Variants in RBL1 observed in about 807,000 individuals in gnomAD.
RBL1 encodes RB transcriptional corepressor like 1, also known as retinoblastoma-like protein 1.
A neutral mutation model predicts 123.0 loss-of-function variants in RBL1; 82 were observed. The ratio of observed to expected loss-of-function variants is 0.67; its 90% CI spans 0.56 to 0.80. The LOEUF (loss-of-function observed/expected upper bound fraction) is 0.80. RBL1 is among the 30% of genes least tolerant of loss of function. RBL1 has a pLI of 0.00. For synonymous variants in RBL1, 405 were observed against 441.3 expected (o/e 0.92, Z 1.03); for missense variants, 1,171 against 1,299.6 (o/e 0.90, Z 1.52).
intron 2 of RBL1, among the ~76,000 whole-genome samples, chr20:37,088,691 C>T (rs1480625683): frequency 6.8e-6 from 1 of 146,590 alleles, no homozygotes; most frequent in East Asian, 2.0e-4. Context: ...CCCATCTCTA[C>T]TAAAAAAAAA....
intron 11 of RBL1, among the ~76,000 whole-genome samples, chr20:37,050,751 C>T (rs191203805): frequency 4.0e-5 from 6 of 151,194 alleles, no homozygotes; most frequent in Admixed American, 6.6e-5. Context: ...CTAGACTAAA[C>T]GGGCAAGTCT....
intron 11 of RBL1, among the ~76,000 whole-genome samples, chr20:37,051,713 T>TAA (rs1304580853): frequency 7.1e-6 from 1 of 141,568 alleles, no homozygotes; most frequent in Admixed American, 7.0e-5. Context: ...AAAACAAAAT[T>TAA]AAAAAAAAAA....
intron 19 of RBL1, among the ~76,000 whole-genome samples, chr20:37,009,072 T>G (rs1021955045): frequency 1.3e-5 from 2 of 151,970 alleles, no homozygotes; most frequent in African/African-American, 4.8e-5. Flanking sequence ...TCACCCAGCC[T>G]GGAGTGCAGT....
chr20:37,067,210 G>T, intron 4 of RBL1, 23 bp downstream of exon 4: 2 of 1,585,260 alleles, frequency 1.3e-6, no homozygotes, highest in South Asian at 2.4e-5. Context: ...AGAAATGTAA[G>T]ACCACTGAAA....
intron 9 of RBL1, among the ~76,000 whole-genome samples, chr20:37,057,007 ACC>A (rs1226602907): frequency 1.1e-3 from 99 of 89,418 alleles, no homozygotes; most frequent in Middle Eastern, 0.011. Flanking sequence ...CTATCTATCT[ACC>A]TACCTACCTA....
In RBL1 at chr20:37,020,686, A is replaced by G. The variant is rs747188128; in HGVS notation, c.2604T>C (p.Tyr868=). The change falls in exon 18 of 22, where the codon TAT becomes TAC. Residue 868 remains tyrosine, a synonymous_variant. Coordinates refer to ENST00000373664, the MANE Select transcript of RBL1 (RefSeq NM_002895.5). The part of the protein sequence containing the change: ...ERTFQEIMKS[Y]RNQPQANSHV... ...GACTATTAGCTTGGGGCTGATTCCT[A>G]TAACTTTTCATAATTTCTTGAAAAG... The G allele has an allele frequency of 4.4e-6, 7 of 1,588,832 alleles. No individual in the cohort carries two copies. Among genetic ancestry groups the G allele is most frequent in the South Asian group, 1.1e-5 (1 of 87,270 alleles).
chr20:37,080,462 C>CTTT (rs796643116), intron 2 of RBL1, among the ~76,000 whole-genome samples: 1 of 132,704 alleles, frequency 7.5e-6, no homozygotes, highest in Non-Finnish European at 1.6e-5. Flanking sequence ...CTCTCTCTCT[C>CTTT]TTTTTTTTTT....
intron 2 of RBL1, among the ~76,000 whole-genome samples, chr20:37,084,476 T>C (rs1443930998): frequency 1.3e-5 from 2 of 151,986 alleles, no homozygotes; most frequent in Non-Finnish European, 2.9e-5. Context: ...ACATATAGTA[T>C]AATTTATGTT....
chr20:37,013,468 C>G (rs943052074), intron 19 of RBL1, among the ~76,000 whole-genome samples: 1 of 151,580 alleles, frequency 6.6e-6, no homozygotes, highest in East Asian at 1.9e-4. Flanking sequence ...CCGCAGGGTC[C>G]TCTGCCTAGG....
chr20:37,039,838 T>C (rs1188774770), intron 14 of RBL1, among the ~76,000 whole-genome samples: 1 of 152,118 alleles, frequency 6.6e-6, no homozygotes, highest in Non-Finnish European at 1.5e-5. Context: ...TCTGAGTAGC[T>C]AGGACTACAG....
At chr20:37,037,628 T>C (rs187885024) in intron 14 of RBL1, among the ~76,000 whole-genome samples, 1 of 152,090 alleles carries the variant, frequency 6.6e-6, no homozygotes, top group East Asian at 1.9e-4. Flanking sequence ...ATAATAATTA[T>C]AATTATTCCC....
intron 3 of RBL1, 79 bp from the exon 4 acceptor site, chr20:37,067,376 C>G: frequency 9.8e-7 from 1 of 1,024,826 alleles, no homozygotes; most frequent in South Asian, 1.6e-5. Flanking sequence ...ATGTAAATAT[C>G]AAATAGATCA....
chr20:37,016,927 G>A (rs1253682139), intron 19 of RBL1, among the ~76,000 whole-genome samples: 2 of 147,798 alleles, frequency 1.4e-5, no homozygotes, highest in African/African-American at 5.0e-5. Context: ...AGGAGGGCAG[G>A]GGAGGGGGAG....
intron 1 of RBL1, among the ~76,000 whole-genome samples, chr20:37,090,865 T>A (rs1427079570): frequency 6.6e-6 from 1 of 152,228 alleles, no homozygotes; most frequent in Non-Finnish European, 1.5e-5. Flanking sequence ...GTGTGGTCCA[T>A]CACTGACTGA....
At chr20:36,999,904 C>T (rs1312011924) in intron 21 of RBL1, among the ~76,000 whole-genome samples, 6 of 152,124 alleles carry the variant, frequency 3.9e-5, no homozygotes, top group African/African-American at 7.2e-5. Context: ...AGACTCTGCC[C>T]GGCCGCCACC....
intron 19 of RBL1, 87 bp downstream of exon 19, chr20:37,018,192 C>T (rs2064287053): frequency 2.2e-6 from 3 of 1,367,110 alleles, no homozygotes; most frequent in African/African-American, 1.5e-5. Flanking sequence ...TTATGATTCA[C>T]ATTTCCATGT....
chr20:37,006,101 G>T (rs537220642), intron 20 of RBL1, among the ~76,000 whole-genome samples: 1 of 151,300 alleles, frequency 6.6e-6, no homozygotes, highest in Admixed American at 6.6e-5. Flanking sequence ...GGGTCTTCCT[G>T]TGTTTCTAGG....
At position 37,053,225 on chromosome 20, in the gene RBL1, T is replaced by A. The variant is rs150901682; in HGVS notation, c.1467+2328A>T. ...AACACTCCATCCAACAATAGCAGAA[T>A]ACAGCAGATCCTTGAATAACACCAT... is the stretch of plus-strand genomic sequence containing the variant. On this transcript the variant is annotated intron_variant, in intron 11 of 21. Coordinates refer to ENST00000373664, the MANE Select transcript of RBL1 (RefSeq NM_002895.5). 1.6e-4 allele frequency among the ~76,000 whole-genome samples: 24 copies of A among 152,330 alleles called. No individual in the cohort carries two copies. The East Asian group carries it at 4.6e-3, about 29-fold the overall frequency.
At chr20:37,073,754 T>G (rs185742932) in intron 2 of RBL1, among the ~76,000 whole-genome samples, 1 of 144,132 alleles carries the variant, frequency 6.9e-6, no homozygotes, top group Non-Finnish European at 1.5e-5. Context: ...TGTGGCAGCA[T>G]GTACCTGTAG....
Sources: allele counts gnomAD v4.1 joint callset (sites outside exome capture counted in the v4.1 genomes callset), GRCh38; gene constraint gnomAD v4.1.1; transcripts MANE v1.5; gene names NCBI Gene and HGNC (gene_info 2026-07-23, HGNC 2026-07-21).